Variants in ADGRG7 observed in about 807,000 individuals in gnomAD.
ADGRG7 encodes the protein adhesion G protein-coupled receptor G7.
In ADGRG7, 82 loss-of-function variants were observed where a neutral mutation model predicts 88.6. The ratio of observed to expected loss-of-function variants is 0.93; its 90% CI spans 0.77 to 1.11. The LOEUF (loss-of-function observed/expected upper bound fraction) is 1.11. Ranked by LOEUF, ADGRG7 falls within the 50% of genes most tolerant of loss-of-function variation. ADGRG7 has a pLI of 0.00. For synonymous variants in ADGRG7, 381 were observed against 345.2 expected, an observed-to-expected ratio of 1.10 and a Z score of -1.15; for missense variants, 945 against 953.4, an observed-to-expected ratio of 0.99 and a Z score of 0.12.
intron 10 of ADGRG7, among the ~76,000 whole-genome samples, chr3:100,649,386 G>A (rs2094925056): frequency 6.6e-6 from 1 of 152,198 alleles, no homozygotes; most frequent in Non-Finnish European, 1.5e-5. Flanking sequence ...CAGGACTTGA[G>A]TATCCATGGC....
chr3:100,679,396 C>T (rs978598651), intron 15 of ADGRG7, among the ~76,000 whole-genome samples: 4 of 152,176 alleles, frequency 2.6e-5, no homozygotes, highest in African/African-American at 4.8e-5. Flanking sequence ...GTCCAGGAGC[C>T]GAGGCCTGGA....
intron 15 of ADGRG7, among the ~76,000 whole-genome samples, chr3:100,684,174 A>C (rs2094978273): frequency 6.6e-6 from 1 of 151,344 alleles, no homozygotes; most frequent in Admixed American, 6.6e-5. Flanking sequence ...TTTTCTCATC[A>C]CTTTGGTTTT....
intron 15 of ADGRG7, among the ~76,000 whole-genome samples, chr3:100,690,161 C>T (rs568681408): frequency 7.2e-4 from 110 of 152,310 alleles, no homozygotes; most frequent in African/African-American, 2.6e-3. Flanking sequence ...TCCAGTTGAT[C>T]GCATCAGCTA....
rs1482127520 is a variant in ADGRG7, at chr3:100,655,044, C to A, written c.1589C>A (p.Ala530Asp). 1.2e-6 allele frequency: 2 copies of A among 1,614,126 alleles called. No individual in the cohort carries two copies. The highest frequency in any genetic ancestry group is 1.7e-6 in the Non-Finnish European group (2 of 1,179,974). ...NIPNPMCTAIAALLHYFLLVT... is the reference protein window; with the variant it reads ...NIPNPMCTAIDALLHYFLLVT... ...CCGAATCCCATGTGCACTGCGATTGCCGCCTTACTGCACTATTTTCTGTTA... is the reference window on the plus strand; with the variant it reads ...CCGAATCCCATGTGCACTGCGATTGACGCCTTACTGCACTATTTTCTGTTA... Residue 530 changes from alanine (A) to aspartate (D), a missense_variant, in exon 12 of 16, where the codon GCC (alanine) becomes GAC (aspartate). Physicochemically the swap from Ala to Asp is moderately radical, Grantham distance 126. Transcript: ENST00000273352.
At chr3:100,654,583 A>G in intron 11 of ADGRG7, 1 of 332,918 alleles carries the variant, frequency 3.0e-6, no homozygotes, top group South Asian at 5.2e-5. Context: ...ATCACTTTTG[A>G]TCAGAACACA....
intron 15 of ADGRG7, among the ~76,000 whole-genome samples, chr3:100,689,197 A>G (rs1231817714): frequency 1.3e-5 from 2 of 152,122 alleles, no homozygotes; most frequent in Non-Finnish European, 2.9e-5. Context: ...CTAGGATTGC[A>G]ACCCCTGCCT....
At chr3:100,693,301 G>A (rs1370563847) in intron 15 of ADGRG7, among the ~76,000 whole-genome samples, 1 of 152,132 alleles carries the variant, frequency 6.6e-6, no homozygotes, top group Non-Finnish European at 1.5e-5. Context: ...TCTAGAGACT[G>A]GATTTCTCAT....
At chr3:100,687,081 G>T (rs2094984061) in intron 15 of ADGRG7, among the ~76,000 whole-genome samples, 1 of 152,160 alleles carries the variant, frequency 6.6e-6, no homozygotes, top group Admixed American at 6.5e-5. Context: ...AGTTCTTCTT[G>T]AAGAGGTCCT....
At chr3:100,620,696 A>G (rs376596408) in intron 1 of ADGRG7, among the ~76,000 whole-genome samples, 2 of 152,216 alleles carry the variant, frequency 1.3e-5, no homozygotes, top group African/African-American at 2.4e-5. Context: ...TCAGCTAAAC[A>G]CTGGAGAATC....
rs1265177619 is a variant in ADGRG7 at position 100,635,800 on chromosome 3, A to G, written c.571A>G (p.Asn191Asp). ...SATRVVGQIF[N>D]TSRNASPEAK... Reference sequence around the variant, plus strand: ...TACGCGAGTGGTTGGACAGATATTCAACACTTCCAGAAATGCTTCACCTGA... The same window carrying G: ...TACGCGAGTGGTTGGACAGATATTCGACACTTCCAGAAATGCTTCACCTGA... The change falls in exon 5 of 16, where the codon AAC becomes GAC. Residue 191 changes from asparagine (N) to aspartate (D), a missense_variant. By Grantham distance (23) the Asn-to-Asp change is conservative. Coordinates refer to ENST00000273352, the MANE Select transcript of ADGRG7 (RefSeq NM_032787.3). 6.2e-7 allele frequency: 1 copy of G among 1,613,286 alleles called. No individual in the cohort carries two copies.
chr3:100,661,641 G>A (rs1317423396), intron 14 of ADGRG7, among the ~76,000 whole-genome samples: 2 of 152,060 alleles, frequency 1.3e-5, no homozygotes, highest in Admixed American at 1.3e-4. Flanking sequence ...AAATCAGTGG[G>A]AACTGCCCTG....
intron 1 of ADGRG7, among the ~76,000 whole-genome samples, chr3:100,612,890 GTTGTT>G (rs1707173719): frequency 6.6e-6 from 1 of 152,062 alleles, no homozygotes; most frequent in Non-Finnish European, 1.5e-5. Context: ...TTTTGTTGAT[GTTGTT>G]TTATTTTTGT....
intron 1 of ADGRG7, among the ~76,000 whole-genome samples, chr3:100,627,394 G>A (rs1388128367): frequency 6.6e-6 from 1 of 152,020 alleles, no homozygotes; most frequent in African/African-American, 2.4e-5. Context: ...ACCTAACCTT[G>A]CATCCCTGGG....
intron 6 of ADGRG7, among the ~76,000 whole-genome samples, chr3:100,638,439 C>T (rs1362266407): frequency 6.6e-6 from 1 of 152,196 alleles, no homozygotes; most frequent in African/African-American, 2.4e-5. Flanking sequence ...CTCTTCCTGA[C>T]ATCCAGCCAC....
At chr3:100,677,151 T>C (rs544173901) in intron 15 of ADGRG7, among the ~76,000 whole-genome samples, 40 of 152,136 alleles carry the variant, frequency 2.6e-4, no homozygotes, top group African/African-American at 8.2e-4. Flanking sequence ...TTTTCTGGTC[T>C]CCTCTTCTTT....
At chr3:100,668,330 C>G (rs550649003) in intron 14 of ADGRG7, among the ~76,000 whole-genome samples, 213 of 152,318 alleles carry the variant, frequency 1.4e-3, no homozygotes, top group Non-Finnish European at 2.4e-3. Context: ...CTCTGCTCCA[C>G]ATAGTCTCTC....
chr3:100,670,601 G>A (rs562318402), intron 15 of ADGRG7, among the ~76,000 whole-genome samples: 107 of 152,180 alleles, frequency 7.0e-4, no homozygotes, highest in African/African-American at 2.4e-3. Context: ...TGGGGTACAT[G>A]TGCAGAACAT....
At chr3:100,686,074 G>C (rs1207166878) in intron 15 of ADGRG7, among the ~76,000 whole-genome samples, 3 of 151,506 alleles carry the variant, frequency 2.0e-5, no homozygotes, top group Non-Finnish European at 4.4e-5. Context: ...ATTGTAACTG[G>C]TGTGAGATGG....
chr3:100,687,545 C>T (rs1238354389), intron 15 of ADGRG7, among the ~76,000 whole-genome samples: 2 of 152,090 alleles, frequency 1.3e-5, no homozygotes, highest in Non-Finnish European at 2.9e-5. Flanking sequence ...TTTTGAGATA[C>T]ATCCCATCAA....
Sources: allele counts gnomAD v4.1 joint callset (sites outside exome capture counted in the v4.1 genomes callset), GRCh38; gene constraint gnomAD v4.1.1; transcripts MANE v1.5; gene names NCBI Gene and HGNC (gene_info 2026-07-23, HGNC 2026-07-21).